KHDRBS3: variants seen among roughly 807,000 people sequenced by gnomAD.
KHDRBS3 encodes KH domain-containing, RNA-binding, signal transduction-associated protein 3.
A neutral mutation model predicts 45.6 loss-of-function variants in KHDRBS3; 23 were observed. The ratio of observed to expected loss-of-function variants is 0.50; its 90% CI spans 0.36 to 0.72. The LOEUF (loss-of-function observed/expected upper bound fraction) is 0.72, where lower values mean the gene tolerates loss of function less well. Among genes scored for constraint, KHDRBS3 ranks in the 30% least tolerant of loss-of-function variants. KHDRBS3 has a pLI of 0.00. For synonymous variants in KHDRBS3, 162 were observed against 156.5 expected (o/e 1.04, Z -0.26); for missense variants, 352 against 424.8 (o/e 0.83, Z 1.51).
intron 1 of KHDRBS3, among the ~76,000 whole-genome samples, chr8:135,512,429 C>CGGGGGG (rs67971673): frequency 2.8e-4 from 22 of 78,098 alleles, no homozygotes; most frequent in African/African-American, 8.6e-4. Context: ...TTGGAAAAGT[C>CGGGGGG]GGGGGGGGGG....
intron 1 of KHDRBS3, among the ~76,000 whole-genome samples, chr8:135,516,600 G>A (rs1824621251): frequency 6.6e-6 from 1 of 151,982 alleles, no homozygotes; most frequent in African/African-American, 2.4e-5. Context: ...GTGTGTGTGA[G>A]TAAACAGTGC....
At chr8:135,640,639 C>G (rs1268364314) in intron 7 of KHDRBS3, among the ~76,000 whole-genome samples, 1 of 152,128 alleles carries the variant, frequency 6.6e-6, no homozygotes, top group East Asian at 1.9e-4. Flanking sequence ...CGCCGGCTTC[C>G]TTTGACCCGT....
chr8:135,484,211 C>A (rs1422627406), intron 1 of KHDRBS3, among the ~76,000 whole-genome samples: 3 of 152,170 alleles, frequency 2.0e-5, no homozygotes, highest in Non-Finnish European at 4.4e-5. Flanking sequence ...ACTGGGTAGA[C>A]CCCTCTTGGC....
chr8:135,525,331 T>C (rs998387646), intron 2 of KHDRBS3, among the ~76,000 whole-genome samples: 1 of 152,198 alleles, frequency 6.6e-6, no homozygotes, highest in Non-Finnish European at 1.5e-5. Flanking sequence ...GAAGATTTTA[T>C]ACATAATATT....
At chr8:135,589,373 G>A (rs1828635811) in intron 6 of KHDRBS3, among the ~76,000 whole-genome samples, 1 of 152,130 alleles carries the variant, frequency 6.6e-6, no homozygotes, top group Non-Finnish European at 1.5e-5. Flanking sequence ...GTCTCTTCAG[G>A]ATAAAGTTGA....
At chr8:135,611,961 G>C (rs941706685) in intron 7 of KHDRBS3, among the ~76,000 whole-genome samples, 7 of 151,654 alleles carry the variant, frequency 4.6e-5, no homozygotes, top group Non-Finnish European at 8.8e-5. Flanking sequence ...AAATCATCAC[G>C]GCCATCATCT....
chr8:135,466,703 T>C (rs1209150069), intron 1 of KHDRBS3, among the ~76,000 whole-genome samples: 7 of 152,330 alleles, frequency 4.6e-5, no homozygotes, highest in Non-Finnish European at 8.8e-5. Flanking sequence ...TGAGACTTGA[T>C]GAGTACTAGC....
At chr8:135,544,698 A>G (rs1281692929) in intron 3 of KHDRBS3, among the ~76,000 whole-genome samples, 1 of 152,230 alleles carries the variant, frequency 6.6e-6, no homozygotes, top group Non-Finnish European at 1.5e-5. Context: ...CTGCATTTGC[A>G]TGGGACACCC....
At chr8:135,463,003 T>G (rs1263577458) in intron 1 of KHDRBS3, among the ~76,000 whole-genome samples, 1 of 152,218 alleles carries the variant, frequency 6.6e-6, no homozygotes, top group African/African-American at 2.4e-5. Context: ...TACTTCATTC[T>G]TCACATTTCT....
chr8:135,627,730 C>T (rs1830435962), intron 7 of KHDRBS3, among the ~76,000 whole-genome samples: 1 of 152,196 alleles, frequency 6.6e-6, no homozygotes, highest in Non-Finnish European at 1.5e-5. Context: ...ATTTCCAGCA[C>T]CCCAGAAGTT....
intron 3 of KHDRBS3, among the ~76,000 whole-genome samples, chr8:135,546,528 T>A (rs547993258): frequency 6.6e-6 from 1 of 152,336 alleles, no homozygotes; most frequent in East Asian, 1.9e-4. Context: ...ATGTTTTGCC[T>A]GCATCATTTA....
At chr8:135,637,284 T>C (rs1464610801) in intron 7 of KHDRBS3, among the ~76,000 whole-genome samples, 1 of 152,234 alleles carries the variant, frequency 6.6e-6, no homozygotes, top group Non-Finnish European at 1.5e-5. Flanking sequence ...ATTTTAAATA[T>C]TACATTTCAT....
chr8:135,478,499 T>C (rs1217206032), intron 1 of KHDRBS3, among the ~76,000 whole-genome samples: 1 of 152,236 alleles, frequency 6.6e-6, no homozygotes, highest in African/African-American at 2.4e-5. Context: ...ATCTGTAGAA[T>C]CTGCCCCCTG....
At chr8:135,559,300 G>A (rs1275824523) in intron 5 of KHDRBS3, among the ~76,000 whole-genome samples, 2 of 151,988 alleles carry the variant, frequency 1.3e-5, no homozygotes, top group South Asian at 4.1e-4. Flanking sequence ...GCTGTGATAG[G>A]AGCTTGTACA....
intron 7 of KHDRBS3, among the ~76,000 whole-genome samples, chr8:135,607,590 C>A (rs1829521400): frequency 6.6e-6 from 1 of 152,198 alleles, no homozygotes; most frequent in Admixed American, 6.5e-5. Context: ...ATACTTACCT[C>A]TTCTGATAAT....
rs573987799 is a variant in KHDRBS3 at position 135,462,565 on chromosome 8, A to G, written c.88+4611A>G. ...CTATGCTGAAATATTTAATGATTGGATGGCTTAGATTTACTGTTAATAAAT... is the reference window on the plus strand; with the variant it reads ...CTATGCTGAAATATTTAATGATTGGGTGGCTTAGATTTACTGTTAATAAAT... On this transcript the variant is annotated intron_variant, in intron 1 of 8. Coordinates refer to ENST00000355849, the MANE Select transcript of KHDRBS3 (RefSeq NM_006558.3). Among the ~76,000 whole-genome samples, 5 of 152,272 alleles carry G rather than the reference A, an allele frequency of 3.3e-5. No individual in the cohort carries two copies. In the South Asian group the frequency reaches 6.2e-4, roughly 19 times the overall value.
chr8:135,586,765 A>AC (rs1828495775), intron 6 of KHDRBS3, among the ~76,000 whole-genome samples: 1 of 152,164 alleles, frequency 6.6e-6, no homozygotes, highest in South Asian at 2.1e-4. Flanking sequence ...GCTATATCAA[A>AC]CCAACTCAGT....
intron 6 of KHDRBS3, among the ~76,000 whole-genome samples, chr8:135,589,336 C>G (rs1828633980): frequency 6.6e-6 from 1 of 152,092 alleles, no homozygotes; most frequent in Admixed American, 6.6e-5. Context: ...AGGAAGAGAG[C>G]TAGTTGAAAA....
chr8:135,540,459 T>C (rs1273422167), intron 2 of KHDRBS3: 1 of 152,226 alleles, frequency 6.6e-6, no homozygotes, highest in African/African-American at 2.4e-5. Context: ...TCTCATCTTA[T>C]AAAACCAGGC....
Sources: gnomAD v4.1 joint callset for allele counts (sites outside exome capture counted in the v4.1 genomes callset) on GRCh38, gnomAD v4.1.1 for gene constraint, MANE v1.5 for transcripts, NCBI Gene and HGNC (gene_info 2026-07-23, HGNC 2026-07-21) for gene names.